Variants in TPRG1 observed in about 807,000 individuals in gnomAD.
The protein encoded by TPRG1 is tumor protein p63-regulated gene 1 protein.
TPRG1 carries 29 observed loss-of-function variants against 29.3 expected under a neutral mutation model. The ratio of observed to expected loss-of-function variants is 0.99; its 90% confidence interval spans 0.74 to 1.35. TPRG1 has a LOEUF of 1.35. TPRG1 is among the 40% of genes most tolerant of loss of function. TPRG1 has a pLI of 0.00. For missense variants in TPRG1, 327 were observed against 335.0 expected (o/e 0.98, Z 0.19); for synonymous variants, 130 against 116.8 (o/e 1.11, Z -0.73).
At chr3:189,293,230 G>T (rs1373270938) in intron 4 of TPRG1, among the ~76,000 whole-genome samples, 2 of 152,192 alleles carry the variant, frequency 1.3e-5, no homozygotes, top group Non-Finnish European at 2.9e-5. Context: ...AGTGTCCTTA[G>T]CTTGGCTCCC....
upstream of TPRG1, among the ~76,000 whole-genome samples, chr3:189,169,941 C>G (rs1030318923): frequency 2.0e-5 from 3 of 152,200 alleles, no homozygotes; most frequent in East Asian, 1.9e-4. Flanking sequence ...TTACTGCAGG[C>G]TGCAGTATGG....
At chr3:189,082,561 C>A (rs1190283609) in intron 4 of TPRG1, among the ~76,000 whole-genome samples, 1 of 152,184 alleles carries the variant, frequency 6.6e-6, no homozygotes, top group African/African-American at 2.4e-5. Flanking sequence ...GAGTCCCTCA[C>A]AACGGATGCC....
At chr3:189,317,707 G>A (rs1381141869) in intron 5 of TPRG1, among the ~76,000 whole-genome samples, 4 of 152,118 alleles carry the variant, frequency 2.6e-5, no homozygotes, top group Non-Finnish European at 4.4e-5. Context: ...TCCCATGGGG[G>A]ACATATGACA....
At chr3:189,139,486 G>A (rs569370204) in intron 3 of TPRG1, among the ~76,000 whole-genome samples, 8 of 152,254 alleles carry the variant, frequency 5.3e-5, no homozygotes, top group East Asian at 3.9e-4. Context: ...AGTGCGTGCC[G>A]CATCTGACAA....
chr3:189,181,417 C>T (rs769573690), intron 1 of TPRG1, among the ~76,000 whole-genome samples: 3 of 152,294 alleles, frequency 2.0e-5, no homozygotes, highest in Admixed American at 6.5e-5. Context: ...ACCCAAGTCA[C>T]CTCTTGAATG....
chr3:189,258,267 G>T (rs193179965), intron 4 of TPRG1, among the ~76,000 whole-genome samples: 1 of 151,688 alleles, frequency 6.6e-6, no homozygotes, highest in South Asian at 2.1e-4. Flanking sequence ...CCCCTCTTCT[G>T]CAAGTCTCCT....
chr3:189,237,804 G>A (rs114715285), intron 3 of TPRG1, among the ~76,000 whole-genome samples: 1 of 152,312 alleles, frequency 6.6e-6, no homozygotes, highest in African/African-American at 2.4e-5. Context: ...ATTCTGTGTG[G>A]TGAGGATTTA....
chr3:189,049,032 C>T (rs1036643743), intron 4 of TPRG1, among the ~76,000 whole-genome samples: 5 of 152,100 alleles, frequency 3.3e-5, no homozygotes, highest in Non-Finnish European at 5.9e-5. Flanking sequence ...GGCACCACAG[C>T]GATCCACTGG....
chr3:189,292,009 C>T (rs1453406457), intron 4 of TPRG1, among the ~76,000 whole-genome samples: 1 of 152,200 alleles, frequency 6.6e-6, no homozygotes, highest in Non-Finnish European at 1.5e-5. Flanking sequence ...ACACAAATGT[C>T]TTCTAATTCT....
At chr3:189,285,296 C>T (rs1449747335) in intron 4 of TPRG1, among the ~76,000 whole-genome samples, 1 of 152,174 alleles carries the variant, frequency 6.6e-6, no homozygotes, top group Admixed American at 6.5e-5. Context: ...TGCTTGATGG[C>T]CTTCACTTGT....
chr3:188,997,693 A>T (rs1219585957), intron 1 of TPRG1, among the ~76,000 whole-genome samples: 2 of 152,210 alleles, frequency 1.3e-5, no homozygotes, highest in Non-Finnish European at 2.9e-5. Flanking sequence ...ACAACCTCTC[A>T]GGTTCCTGAA....
rs537907029 is a variant in TPRG1 at position 189,201,772 on chromosome 3, C to T, written c.-9-5604C>T. 4.5e-3 allele frequency among the ~76,000 whole-genome samples: 678 copies of T among 152,238 alleles called. 3 individuals are homozygous for T. The highest frequency in any genetic ancestry group is 7.0e-3 in the Non-Finnish European group (479 of 68,020). ...TCAAGCAATTCTCCTGCCTCTGCCT[C>T]CCAAGTAGCTGAGATTTACAGGGGC... On this transcript the variant is annotated intron_variant, in intron 1 of 5. Transcript: ENST00000345063.
intron 3 of TPRG1, among the ~76,000 whole-genome samples, chr3:189,136,676 C>T (rs769648263): frequency 1.4e-4 from 22 of 152,146 alleles, no homozygotes; most frequent in Non-Finnish European, 3.2e-4. Flanking sequence ...CTCTCACTCT[C>T]GTTACAGCGC....
chr3:189,275,465 G>C (rs774413873), intron 4 of TPRG1, among the ~76,000 whole-genome samples: 4 of 152,174 alleles, frequency 2.6e-5, no homozygotes, highest in African/African-American at 9.7e-5. Flanking sequence ...CAACACAAAG[G>C]AAATAGTATA....
intron 4 of TPRG1, among the ~76,000 whole-genome samples, chr3:189,095,072 G>T: frequency 6.6e-6 from 1 of 152,148 alleles, no homozygotes; most frequent in East Asian, 1.9e-4. Flanking sequence ...AATTCTTCTG[G>T]CCCCTGCCTG....
intron 4 of TPRG1, among the ~76,000 whole-genome samples, chr3:189,076,808 C>G (rs1458498798): frequency 6.6e-6 from 1 of 151,794 alleles, no homozygotes. Flanking sequence ...AGATGAATAC[C>G]CAAACTCTCA....
intron 4 of TPRG1, among the ~76,000 whole-genome samples, chr3:189,073,960 T>C (rs1716959589): frequency 1.3e-5 from 2 of 152,120 alleles, no homozygotes; most frequent in Non-Finnish European, 2.9e-5. Context: ...TGAATGACAG[T>C]TTAATTGAAA....
chr3:189,255,767 C>T (rs1054259470), intron 4 of TPRG1, among the ~76,000 whole-genome samples: 1 of 152,062 alleles, frequency 6.6e-6, no homozygotes, highest in Admixed American at 6.6e-5. Context: ...TGTATGTGTC[C>T]AGGAATTTAT....
At chr3:189,238,945 G>A in intron 4 of TPRG1, 36 bp downstream of exon 4, 1 of 1,537,044 alleles carries the variant, frequency 6.5e-7, no homozygotes, top group South Asian at 1.2e-5. Flanking sequence ...AAGTGGTGCA[G>A]CAGGGATGGA....
Sources: allele counts gnomAD v4.1 joint callset (sites outside exome capture counted in the v4.1 genomes callset), GRCh38; gene constraint gnomAD v4.1.1; transcripts MANE v1.5; gene names NCBI Gene and HGNC (gene_info 2026-07-23, HGNC 2026-07-21).